The following ABCC9 variants were observed in gnomAD, a reference collection of about 807,000 sequenced individuals.
ABCC9 encodes the protein ATP-binding cassette sub-family C member 9.
Under a neutral mutation model 188.3 loss-of-function variants are expected in ABCC9, and 95 were observed. That is an observed-to-expected ratio of 0.50 (90% CI 0.43 to 0.60). The LOEUF (loss-of-function observed/expected upper bound fraction) is 0.60. ABCC9 is among the 20% of genes least tolerant of loss of function. The pLI is 0.00. For synonymous variants in ABCC9, 659 were observed against 652.7 expected (o/e 1.01, Z -0.15); for missense variants, 1,102 against 1,876.3 (o/e 0.59, Z 7.62).
At chr12:21,889,769 C>T (rs1947058795) in intron 14 of ABCC9, among the ~76,000 whole-genome samples, 1 of 152,076 alleles carries the variant, frequency 6.6e-6, no homozygotes, top group South Asian at 2.1e-4. Flanking sequence ...TGGTCCCTGA[C>T]CTTGATTGAG....
At chr12:21,899,815 G>A (rs1486425525) in intron 12 of ABCC9, among the ~76,000 whole-genome samples, 1 of 152,206 alleles carries the variant, frequency 6.6e-6, no homozygotes, top group Non-Finnish European at 1.5e-5. Context: ...CAGCCGGGAA[G>A]CTCAAACTGG....
At chr12:21,812,188 A>C in intron 35 of ABCC9, 31 bp from the exon 36 acceptor site, 5 of 1,360,514 alleles carry the variant, frequency 3.7e-6, no homozygotes, top group Non-Finnish European at 5.3e-6. Context: ...TTACACACAC[A>C]TAGTAAAATC....
At chr12:21,838,367 C>G (rs937627900) in intron 29 of ABCC9, among the ~76,000 whole-genome samples, 197 bp from the exon 30 acceptor site, 1 of 152,142 alleles carries the variant, frequency 6.6e-6, no homozygotes, top group Admixed American at 6.5e-5. Context: ...ATAATGAATA[C>G]AGGTAGAGGC....
chr12:21,881,270 T>C (rs1184734659), intron 16 of ABCC9, among the ~76,000 whole-genome samples: 2 of 152,158 alleles, frequency 1.3e-5, no homozygotes, highest in Non-Finnish European at 2.9e-5. Flanking sequence ...TATTTCACAA[T>C]AAAAATATTT....
At chr12:21,896,298 T>A (rs1025194546) in intron 12 of ABCC9, among the ~76,000 whole-genome samples, 9 of 151,948 alleles carry the variant, frequency 5.9e-5, no homozygotes, top group African/African-American at 2.2e-4. Flanking sequence ...AGACTGTGCT[T>A]TTGCAAGTCC....
rs140765449 is a variant in ABCC9 at position 21,897,976 on chromosome 12, A to G, written c.1619-2661T>C. 4.5e-4 allele frequency among the ~76,000 whole-genome samples: 69 copies of G among 152,278 alleles called. 1 individual carries two copies. In the East Asian group the frequency reaches 0.01, roughly 23 times the overall value. On this transcript the variant is annotated intron_variant, in intron 12 of 39. Coordinates refer to ENST00000261200, the MANE Select transcript of ABCC9 (RefSeq NM_020297.4). ...AGTTCAGGTTACCTAAGTTCTTTATATGTCAATCTTTTAATTCTAAAGTGG... is the reference window on the plus strand; with the variant it reads ...AGTTCAGGTTACCTAAGTTCTTTATGTGTCAATCTTTTAATTCTAAAGTGG...
At chr12:21,810,085 C>G in intron 36 of ABCC9, 130 bp from the exon 37 acceptor site, 4 of 667,714 alleles carry the variant, frequency 6.0e-6, no homozygotes, top group Non-Finnish European at 1.1e-5. Flanking sequence ...TATTCAGCAC[C>G]TAGAACAGTG....
At position 21,799,189 on chromosome 12, in the gene ABCC9, T is replaced by C. The variant is rs1045404747; in HGVS notation, c.*1855A>G. The C allele has an allele frequency of 8.1e-5, 12 of 148,840 alleles. No individual in the cohort carries two copies. The highest frequency in any genetic ancestry group is 2.5e-4 in the African/African-American group (10 of 40,048). The allele number at this position is 148,840 out of a possible 1,614,324, so 9.2% of individuals were successfully genotyped here. A position where few individuals can be genotyped will look rare whatever the true frequency, so the allele number is the denominator to read the frequency against. On this transcript the variant is annotated 3_prime_UTR_variant, in exon 40 of 40. Coordinates refer to ENST00000261200, the MANE Select transcript of ABCC9 (RefSeq NM_020297.4). ...GTGCAGCGCACCAGCATGGCACATG[T>C]ATATATATGTAACTAACCTGCACAA... is the stretch of plus-strand genomic sequence containing the variant.
chr12:21,836,432 G>A (rs1297209325), intron 30 of ABCC9, among the ~76,000 whole-genome samples: 1 of 152,062 alleles, frequency 6.6e-6, no homozygotes. Context: ...ATATAAAATA[G>A]AAATCTTTAT....
At chr12:21,901,674 A>T (rs1430470370) in intron 12 of ABCC9, among the ~76,000 whole-genome samples, 1 of 152,204 alleles carries the variant, frequency 6.6e-6, no homozygotes, top group Non-Finnish European at 1.5e-5. Context: ...GATAAAACAG[A>T]CTTTAAACCA....
At chr12:21,910,695 T>C (rs1198340629) in intron 9 of ABCC9, 131 bp downstream of exon 9, 1 of 797,730 alleles carries the variant, frequency 1.3e-6, no homozygotes, top group Non-Finnish European at 2.1e-6. Context: ...AAGTAGATTA[T>C]AGAAACGTTG....
At chr12:21,838,006 A>T in intron 30 of ABCC9, 72 bp downstream of exon 30, 1 of 1,194,608 alleles carries the variant, frequency 8.4e-7, no homozygotes, top group Non-Finnish European at 1.2e-6. Context: ...AGCAATGATC[A>T]GTTATTTGTA....
chr12:21,817,353 G>A, intron 32 of ABCC9, 46 bp from the exon 33 acceptor site: 1 of 1,600,690 alleles, frequency 6.2e-7, no homozygotes, highest in South Asian at 1.1e-5. Flanking sequence ...ATTAAAGTAA[G>A]AAGTTGTGGT....
Position 21,875,966 on chromosome 12 carries a change from C to A in ABCC9, c.2020-240G>T, listed in dbSNP as rs534927408. Reference sequence around the variant, plus strand: ...GGGCGTGGTGGCAGGCGCCTGTAGTCCCAGCTACTCGGGAGGCTGAGGCTG... The same window carrying A: ...GGGCGTGGTGGCAGGCGCCTGTAGTACCAGCTACTCGGGAGGCTGAGGCTG... On this transcript the variant is annotated intron_variant, in intron 16 of 39. Transcript: ENST00000261200. Among the ~76,000 whole-genome samples, 386 of 152,144 alleles carry A rather than the reference C, an allele frequency of 2.5e-3. 2 individuals carry two copies. Among genetic ancestry groups the A allele is most frequent in the African/African-American group, 8.5e-3 (353 of 41,516 alleles).
chr12:21,921,496 C>T (rs1199599387), intron 5 of ABCC9, among the ~76,000 whole-genome samples: 2 of 152,004 alleles, frequency 1.3e-5, no homozygotes, highest in African/African-American at 2.4e-5. Flanking sequence ...AGGCAGTTTG[C>T]AAATATTTTC....
In ABCC9 at chr12:21,906,189, C is replaced by G; in HGVS notation, c.1555G>C (p.Glu519Gln). ...AWEHIFCKSV[E>Q]ETRMKELSSL... The stretch of plus-strand genomic sequence containing the variant: ...GATAGTTCTTTCATTCTTGTTTCCT[C>G]CACACTTTTGCAGAAAATGTGTTCC... Residue 519 changes from glutamate (E) to glutamine (Q), a missense_variant, in exon 12 of 40, where the codon GAG becomes CAG. Physicochemically the swap from Glu to Gln is conservative, Grantham distance 29 (BLOSUM62 2). Around this residue, in one of 12 missense-constraint regions of ABCC9, gnomAD observed 258 missense variants for 325.6 expected, o/e 0.79. Transcript: ENST00000261200. The G allele has an allele frequency of 1.2e-6, 2 of 1,613,186 alleles. No individual in the cohort carries two copies. The highest frequency in any genetic ancestry group is 1.7e-6 in the Non-Finnish European group (2 of 1,179,422).
chr12:21,894,002 G>A, intron 14 of ABCC9, 30 bp downstream of exon 14: 2 of 1,612,184 alleles, frequency 1.2e-6, no homozygotes, highest in Non-Finnish European at 1.7e-6. Context: ...TTATCAATAA[G>A]CAAAAAATGC....
intron 5 of ABCC9, chr12:21,924,888 C>T (rs1047500154): frequency 6.6e-6 from 1 of 152,034 alleles, no homozygotes; most frequent in South Asian, 2.1e-4. Flanking sequence ...ACCCTCTCTA[C>T]CTTTTTTATT....
chr12:21,895,366 T>C, intron 12 of ABCC9, 51 bp from the exon 13 acceptor site: 2 of 1,470,238 alleles, frequency 1.4e-6, no homozygotes, highest in Non-Finnish European at 1.9e-6. Context: ...GAAAACATTT[T>C]CAGTAACTTT....
Sources: allele counts gnomAD v4.1 joint callset (sites outside exome capture counted in the v4.1 genomes callset), GRCh38; gene constraint gnomAD v4.1.1; regional missense constraint gnomAD v4.1.1; transcripts MANE v1.5; gene names NCBI Gene and HGNC (gene_info 2026-07-23, HGNC 2026-07-21).